The following SCIN variants were observed in gnomAD, a reference collection of about 807,000 sequenced individuals.
SCIN encodes the protein scinderin.
Under a neutral mutation model 91.8 loss-of-function variants are expected in SCIN, and 91 were observed. The observed-to-expected ratio is 0.99, with a 90% confidence interval of 0.84 to 1.18. The LOEUF (loss-of-function observed/expected upper bound fraction) is 1.18, where lower values mean the gene tolerates loss of function less well. Among genes scored for constraint, SCIN ranks in the 50% most tolerant of loss-of-function variants. The pLI, the probability that SCIN is intolerant of heterozygous loss-of-function variation, is 0.00. For missense variants in SCIN, 1,087 were observed against 863.9 expected, an observed-to-expected ratio of 1.26 and a Z score of -3.24; for synonymous variants, 367 against 312.6, an observed-to-expected ratio of 1.17 and a Z score of -1.84.
Position 12,649,527 on chromosome 7 carries a change from C to T in SCIN, c.1942C>T (p.Leu648=), listed in dbSNP as rs1784034773. The change falls in exon 14 of 16, where the codon CTA becomes TTA. Residue 648 remains leucine (L), a synonymous_variant. Transcript: ENST00000297029. ...DDLAEDDVML[L]DAWEQIFIWI... is the part of the protein sequence containing the mutation. ...TTTAGCTGAAGATGATGTCATGTTACTAGATGCTTGGGAACAGGTAAAACT... is the reference window on the plus strand; with the variant it reads ...TTTAGCTGAAGATGATGTCATGTTATTAGATGCTTGGGAACAGGTAAAACT... 6.2e-7 allele frequency: 1 copy of T among 1,600,350 alleles called. No homozygotes were observed. Among genetic ancestry groups the T allele is most frequent in the East Asian group, 2.2e-5 (1 of 44,556 alleles).
intron 9 of SCIN, among the ~76,000 whole-genome samples, chr7:12,632,724 A>T (rs1446609137): frequency 6.6e-6 from 1 of 152,216 alleles, no homozygotes; most frequent in Admixed American, 6.5e-5. Context: ...GAGATTAAAA[A>T]TCTTAAGAAG....
chr7:12,582,517 T>C (rs906919861), intron 3 of SCIN, among the ~76,000 whole-genome samples: 1 of 152,198 alleles, frequency 6.6e-6, no homozygotes, highest in Non-Finnish European at 1.5e-5. Context: ...TACCAGCTTG[T>C]GTGCAAAGTT....
intron 4 of SCIN, among the ~76,000 whole-genome samples, chr7:12,622,358 ATAG>A (rs1783427379): frequency 6.6e-6 from 1 of 152,150 alleles, no homozygotes; most frequent in African/African-American, 2.4e-5. Context: ...GTCAATAATT[ATAG>A]TAGTATTTTA....
At chr7:12,600,233 A>G (rs1048842627) in intron 3 of SCIN, among the ~76,000 whole-genome samples, 11 of 152,336 alleles carry the variant, frequency 7.2e-5, no homozygotes, top group African/African-American at 2.4e-4. Context: ...CTATTATTCT[A>G]AGTGAAGTAA....
chr7:12,648,312 T>TC (rs1404559291), intron 13 of SCIN, among the ~76,000 whole-genome samples: 4 of 150,658 alleles, frequency 2.7e-5, no homozygotes, highest in Admixed American at 6.6e-5. Context: ...TTTTTTTTTT[T>TC]CTGAGACGGA....
At position 12,629,231 on chromosome 7, in the gene SCIN, A is replaced by G. The variant is rs775641251; in HGVS notation, c.1319+9A>G. On this transcript the variant is annotated intron_variant, in intron 9 of 15. Transcript: ENST00000297029. ...CAGATTATCTACACGTGGTGAGTTTATACGGGTAAAGATCTCGAGTTCCAC... is the reference window on the plus strand; with the variant it reads ...CAGATTATCTACACGTGGTGAGTTTGTACGGGTAAAGATCTCGAGTTCCAC... The G allele has an allele frequency of 1.9e-6, 3 of 1,597,954 alleles. No individual in the cohort carries two copies. Among genetic ancestry groups the G allele is most frequent in the Non-Finnish European group, 2.6e-6 (3 of 1,174,250 alleles).
intron 4 of SCIN, among the ~76,000 whole-genome samples, chr7:12,605,043 G>GT (rs1171764476): frequency 2.0e-5 from 3 of 151,866 alleles, no homozygotes; most frequent in Non-Finnish European, 1.5e-5. Context: ...GGTTTTACTT[G>GT]TTTTTTGTTT....
In SCIN at chr7:12,578,909, G is replaced by GTTTTTTTTTTTTTTTTTTTTTTTTT; in HGVS notation, c.354+706_354+707insTTTTTTTTTTTTTTTTTTTTTTTTT. 2.9e-3 allele frequency among the ~76,000 whole-genome samples: 249 copies of GTTTTTTTTTTTTTTTTTTTTTTTTT among 85,844 alleles called. 54 individuals are homozygous for GTTTTTTTTTTTTTTTTTTTTTTTTT. Among genetic ancestry groups the GTTTTTTTTTTTTTTTTTTTTTTTTT allele is most frequent in the African/African-American group, 0.012 (230 of 19,386 alleles). The allele number at this position is 85,844 out of a possible 152,430, so 56.3% of individuals were successfully genotyped here. A position where few individuals can be genotyped will look rare whatever the true frequency, so the allele number is the denominator to read the frequency against. On this transcript the variant is annotated intron_variant, in intron 2 of 15. Transcript: ENST00000297029. ...TAAGGCAGCCTTCAGTATAGGACAG[G>GTTTTTTTTTTTTTTTTTTTTTTTTT]TTTTTTTTTTTTTTTGGCATCCTCC...
chr7:12,652,740 A>G lies in SCIN; in HGVS notation c.*25A>G. ...AATTGGTATTTGTAAAAAGCAAACAAACATTACAAGGCAGTTATCTCATTG... is the reference window on the plus strand; with the variant it reads ...AATTGGTATTTGTAAAAAGCAAACAGACATTACAAGGCAGTTATCTCATTG... On this transcript the variant is annotated 3_prime_UTR_variant, in exon 16 of 16. Transcript: ENST00000297029. 6.3e-7 allele frequency: 1 copy of G among 1,598,432 alleles called. No homozygotes were observed. Among genetic ancestry groups the G allele is most frequent in the Non-Finnish European group, 8.5e-7 (1 of 1,175,648 alleles).
intron 10 of SCIN, among the ~76,000 whole-genome samples, chr7:12,638,347 C>T (rs1783794226): frequency 1.3e-5 from 2 of 152,160 alleles, no homozygotes; most frequent in Non-Finnish European, 2.9e-5. Context: ...TGTTTTCTGC[C>T]TGCCTGTTGT....
At position 12,636,063 on chromosome 7, in the gene SCIN, A is replaced by C. The variant is rs1562629106; in HGVS notation, c.1338A>C (p.Thr446=). ...CCTCTAGGCAAGGAGCAAATGCCACACGAGATGAGCTGACAACATCTGCGT... is the reference window on the plus strand; with the variant it reads ...CCTCTAGGCAAGGAGCAAATGCCACCCGAGATGAGCTGACAACATCTGCGT... ...IIYTWQGANA[T]RDELTTSAFL... is the part of the protein sequence containing the mutation. Residue 446 remains threonine, a synonymous_variant, in exon 10 of 16, where the codon ACA becomes ACC. Transcript: ENST00000297029. The C allele has an allele frequency of 2.5e-6, 4 of 1,612,830 alleles. No homozygotes were observed. In the Admixed American group the frequency reaches 6.7e-5, roughly 27 times the overall value.
intron 3 of SCIN, among the ~76,000 whole-genome samples, chr7:12,583,564 C>A (rs1782530150): frequency 6.6e-6 from 1 of 152,164 alleles, no homozygotes; most frequent in South Asian, 2.1e-4. Context: ...TGCCTTGTGA[C>A]AGTTTCAGAA....
chr7:12,601,834 T>C (rs1782964799), intron 3 of SCIN, among the ~76,000 whole-genome samples: 1 of 152,230 alleles, frequency 6.6e-6, no homozygotes, highest in African/African-American at 2.4e-5. Context: ...ATTGTATTCT[T>C]GATGATATAC....
chr7:12,647,189 TGTTA>T (rs1403327927), intron 13 of SCIN, among the ~76,000 whole-genome samples: 1 of 152,240 alleles, frequency 6.6e-6, no homozygotes, highest in Non-Finnish European at 1.5e-5. Context: ...AAAAAAGATC[TGTTA>T]GTCTTTGGCT....
At position 12,646,721 on chromosome 7, in the gene SCIN, G is replaced by A. The variant is rs1175503778; in HGVS notation, c.1881+2016G>A. Among the ~76,000 whole-genome samples the A allele has an allele frequency of 2.0e-5, 3 of 152,166 alleles. No homozygotes were observed. The South Asian group carries it at 6.2e-4, about 32-fold the overall frequency. ...TATAAAATTTGATCCACAGATTTTG[G>A]TCAACATGCCCTAGTGAATAAATGC... On this transcript the variant is annotated intron_variant, in intron 13 of 15. Coordinates refer to ENST00000297029, the MANE Select transcript of SCIN (RefSeq NM_001112706.3).
chr7:12,629,135 T>A lies in SCIN; in HGVS notation c.1232T>A (p.Val411Asp), dbSNP rs188068227. 357 of 1,613,224 alleles carry A rather than the reference T, an allele frequency of 2.2e-4. 3 individuals carry two copies. The Admixed American group carries it at 4.8e-3, about 22-fold the overall frequency. Reference sequence around the variant, plus strand: ...GTAGAAAACAATGGTAGGATCCAAGTTGACCAAAACTCATATGGTGAATTC... The same window carrying A: ...GTAGAAAACAATGGTAGGATCCAAGATGACCAAAACTCATATGGTGAATTC... ...WRVENNGRIQ[V>D]DQNSYGEFYG... is the part of the protein sequence containing the mutation. Residue 411 changes from valine to aspartate, a missense_variant, in exon 9 of 16, where the codon GTT becomes GAT. Val to Asp is a radical substitution (Grantham distance 152). Transcript: ENST00000297029.
At chr7:12,614,150 C>T (rs1783251531) in intron 4 of SCIN, among the ~76,000 whole-genome samples, 1 of 152,160 alleles carries the variant, frequency 6.6e-6, no homozygotes, top group South Asian at 2.1e-4. Flanking sequence ...TGTTATGGAA[C>T]ACTATTGTTA....
At chr7:12,625,172 T>G (rs745938580) in intron 6 of SCIN, 30 bp downstream of exon 6, 2 of 1,583,988 alleles carry the variant, frequency 1.3e-6, no homozygotes, top group African/African-American at 2.7e-5. Flanking sequence ...ATGCTGTATT[T>G]CAGATTTATA....
chr7:12,613,711 C>T (rs891368465), intron 4 of SCIN, among the ~76,000 whole-genome samples: 3 of 151,896 alleles, frequency 2.0e-5, no homozygotes, highest in African/African-American at 7.3e-5. Context: ...TAGTGCATCA[C>T]AATTTTTAGA....
Sources: gnomAD v4.1 joint callset for allele counts (sites outside exome capture counted in the v4.1 genomes callset) on GRCh38, gnomAD v4.1.1 for gene constraint, MANE v1.5 for transcripts, NCBI Gene and HGNC (gene_info 2026-07-23, HGNC 2026-07-21) for gene names.